LIN52: variants seen among roughly 807,000 people sequenced by gnomAD.
LIN52 encodes protein lin-52 homolog.
LIN52 carries 4 observed loss-of-function variants against 18.5 expected under a neutral mutation model. The observed-to-expected ratio is 0.22, with a 90% CI of 0.11 to 0.49. The LOEUF is 0.49. LIN52 is among the 20% of genes least tolerant of loss of function. The pLI, the probability that LIN52 is intolerant of heterozygous loss-of-function variation, is 0.97. For synonymous variants in LIN52, 34 were observed against 45.5 expected, an observed-to-expected ratio of 0.75 and a Z score of 1.02; for missense variants, 102 against 139.5, an observed-to-expected ratio of 0.73 and a Z score of 1.35.
At chr14:74,191,789 A>G (rs182679120) in intron 5 of LIN52, among the ~76,000 whole-genome samples, 1 of 151,690 alleles carries the variant, frequency 6.6e-6, no homozygotes, top group Non-Finnish European at 1.5e-5. Context: ...ACCCACCACC[A>G]CGCCTGGCTA....
chr14:74,122,483 A>G (rs2061005806), intron 5 of LIN52, among the ~76,000 whole-genome samples: 1 of 152,216 alleles, frequency 6.6e-6, no homozygotes, highest in South Asian at 2.1e-4. Context: ...TATTTTATTT[A>G]AAATATGTTA....
intron 5 of LIN52, among the ~76,000 whole-genome samples, chr14:74,195,548 G>A (rs2078906707): frequency 1.8e-5 from 1 of 56,034 alleles, no homozygotes; most frequent in Non-Finnish European, 3.9e-5. Context: ...GTGTGGGTGT[G>A]TGTGTGTATG....
At chr14:74,104,992 T>C (rs927275799) in intron 5 of LIN52, among the ~76,000 whole-genome samples, 2 of 152,318 alleles carry the variant, frequency 1.3e-5, no homozygotes, top group Admixed American at 1.3e-4. Context: ...TGACTAGAAT[T>C]TTTCTAAAAA....
intron 5 of LIN52, among the ~76,000 whole-genome samples, chr14:74,139,749 G>C (rs2061118730): frequency 6.6e-6 from 1 of 152,094 alleles, no homozygotes; most frequent in African/African-American, 2.4e-5. Context: ...TAAGATATAA[G>C]AAAAATATTG....
chr14:74,167,345 T>C (rs1370772227), intron 5 of LIN52, among the ~76,000 whole-genome samples: 2 of 152,150 alleles, frequency 1.3e-5, no homozygotes, highest in Non-Finnish European at 2.9e-5. Flanking sequence ...ATTGTACCAT[T>C]TTCATAACCC....
intron 5 of LIN52, among the ~76,000 whole-genome samples, chr14:74,180,194 T>G (rs1048920755): frequency 6.6e-6 from 1 of 151,926 alleles, no homozygotes; most frequent in Non-Finnish European, 1.5e-5. Flanking sequence ...GCTCTCTACC[T>G]GCATAGTGTC....
intron 4 of LIN52, among the ~76,000 whole-genome samples, chr14:74,098,284 C>T (rs561682868): frequency 3.9e-5 from 6 of 152,070 alleles, no homozygotes; most frequent in African/African-American, 9.6e-5. Context: ...TTTGGGAGGC[C>T]GAGGTGGGTG....
chr14:74,101,251 A>T lies in LIN52; in HGVS notation c.283+13A>T. ...GGGCTGGATGAGTGTGAGTACCCCG[A>T]TCGCATTTGTTCAGGGGTGTATTCC... On this transcript the variant is annotated intron_variant, in intron 5 of 5. Coordinates refer to ENST00000555028, the MANE Select transcript of LIN52 (RefSeq NM_001024674.3). 1 of 1,590,008 alleles carries T rather than the reference A, an allele frequency of 6.3e-7. No homozygotes were observed. Among genetic ancestry groups the T allele is most frequent in the Non-Finnish European group, 8.5e-7 (1 of 1,169,806 alleles).
At chr14:74,183,256 C>A (rs2061326887) in intron 5 of LIN52, among the ~76,000 whole-genome samples, 1 of 151,874 alleles carries the variant, frequency 6.6e-6, no homozygotes. Flanking sequence ...CGCCACCACG[C>A]CCGGCTAATT....
chr14:74,175,743 C>T (rs1566867464), intron 5 of LIN52, among the ~76,000 whole-genome samples: 5 of 142,418 alleles, frequency 3.5e-5, no homozygotes, highest in Admixed American at 6.9e-5. Context: ...CACACACACA[C>T]ACACACACCC....
intron 5 of LIN52, among the ~76,000 whole-genome samples, chr14:74,183,975 A>G (rs1162497462): frequency 3.3e-5 from 5 of 152,198 alleles, no homozygotes; most frequent in African/African-American, 7.2e-5. Flanking sequence ...AGGTCTGTAC[A>G]TTGCATTTAG....
chr14:74,197,380 T>G (rs2078920071), intron 5 of LIN52, among the ~76,000 whole-genome samples: 1 of 152,192 alleles, frequency 6.6e-6, no homozygotes, highest in African/African-American at 2.4e-5. Context: ...TGTTAACATC[T>G]CTGATGACAA....
rs1340782765 is a variant in LIN52 at position 74,177,405 on chromosome 14, C to T, written c.284-21517C>T. On this transcript the variant is annotated intron_variant, in intron 5 of 5. Coordinates refer to ENST00000555028, the MANE Select transcript of LIN52 (RefSeq NM_001024674.3). ...TGTAAGGGGATGTTTGTATATTATGCCATAAGATATGCATCAGAACACCCT... is the reference window on the plus strand; with the variant it reads ...TGTAAGGGGATGTTTGTATATTATGTCATAAGATATGCATCAGAACACCCT... 2.0e-5 allele frequency among the ~76,000 whole-genome samples: 3 copies of T among 152,112 alleles called. No individual in the cohort carries two copies. In the East Asian group the frequency reaches 5.8e-4, roughly 29 times the overall value.
chr14:74,166,773 A>G (rs909410040), intron 5 of LIN52, among the ~76,000 whole-genome samples: 6 of 152,146 alleles, frequency 3.9e-5, no homozygotes, highest in Admixed American at 1.3e-4. Context: ...CTGGATTGCA[A>G]TTCACTTGGG....
chr14:74,154,314 A>C (rs1253780889), intron 5 of LIN52, among the ~76,000 whole-genome samples: 1 of 152,108 alleles, frequency 6.6e-6, no homozygotes, highest in Admixed American at 6.6e-5. Context: ...TATTTTTCAT[A>C]ATTATGGTTT....
chr14:74,101,860 A>T (rs979935532), intron 5 of LIN52, among the ~76,000 whole-genome samples: 1 of 151,762 alleles, frequency 6.6e-6, no homozygotes, highest in African/African-American at 2.4e-5. Context: ...CTGATCTTCA[A>T]CTCCTGGGCT....
At chr14:74,194,381 A>T (rs1432268411) in intron 5 of LIN52, among the ~76,000 whole-genome samples, 1 of 152,244 alleles carries the variant, frequency 6.6e-6, no homozygotes, top group African/African-American at 2.4e-5. Flanking sequence ...AGAAGAGATT[A>T]TATTAAACCA....
At chr14:74,175,742 A>C (rs2061290736) in intron 5 of LIN52, among the ~76,000 whole-genome samples, 1 of 141,330 alleles carries the variant, frequency 7.1e-6, no homozygotes, top group Non-Finnish European at 1.5e-5. Context: ...ACACACACAC[A>C]CACACACACC....
intron 5 of LIN52, among the ~76,000 whole-genome samples, chr14:74,132,009 CAG>C (rs2061071195): frequency 6.6e-6 from 1 of 152,192 alleles, no homozygotes; most frequent in Middle Eastern, 3.2e-3. Context: ...TCATTAGTGA[CAG>C]AACCTGGCAT....
Sources: gnomAD v4.1 joint callset for allele counts (sites outside exome capture counted in the v4.1 genomes callset) on GRCh38, gnomAD v4.1.1 for gene constraint, MANE v1.5 for transcripts, NCBI Gene and HGNC (gene_info 2026-07-23, HGNC 2026-07-21) for gene names.